Variants in PDZD2 observed in about 807,000 individuals in gnomAD.
PDZD2 encodes PDZ domain containing 2, also known as PDZ domain-containing protein 2.
Under a neutral mutation model 220.7 loss-of-function variants are expected in PDZD2, and 90 were observed. The observed-to-expected ratio is 0.41, with a 90% CI of 0.34 to 0.49. PDZD2 has a LOEUF of 0.49. Ranked by LOEUF, PDZD2 falls within the 20% of genes least tolerant of loss-of-function variation. The pLI, the probability that PDZD2 is intolerant of heterozygous loss-of-function variation, is 0.28. For missense variants in PDZD2, 3,174 were observed against 3,608.5 expected (o/e 0.88, Z 3.08); for synonymous variants, 1,375 against 1,450.5 (o/e 0.95, Z 1.18).
In PDZD2 at chr5:32,110,330, A is replaced by AAGTC. The variant is rs1745265832; in HGVS notation, c.*2197_*2200dup. On this transcript the variant is annotated 3_prime_UTR_variant, in exon 25 of 25. Coordinates refer to ENST00000438447, the MANE Select transcript of PDZD2 (RefSeq NM_178140.4). ...CTGGCTTACCACATACACTATGCTA[A>AAGTC]AGTCATCAGCCACTGCTACTACATC... 6.6e-6 allele frequency: 1 copy of AAGTC among 152,630 alleles called. No homozygotes were observed. The highest frequency in any genetic ancestry group is 6.5e-5 in the Admixed American group (1 of 15,286). 9.5% of individuals were successfully genotyped at this position (152,630 alleles called of 1,614,324 possible).
chr5:32,098,568 G>A lies in PDZD2; in HGVS notation c.8152G>A (p.Glu2718Lys), dbSNP rs1743955576. The A allele has an allele frequency of 6.2e-7, 1 of 1,614,000 alleles. No homozygotes were observed. Among genetic ancestry groups the A allele is most frequent in the Non-Finnish European group, 8.5e-7 (1 of 1,180,004 alleles). Residue 2718 changes from glutamate (E) to lysine (K), a missense_variant, in exon 23 of 25, where the codon GAG (glutamate) becomes AAG (lysine). Physicochemically the swap from Glu to Lys is moderately conservative, Grantham distance 56. Coordinates refer to ENST00000438447, the MANE Select transcript of PDZD2 (RefSeq NM_178140.4). The surrounding 1 kb of genome is among the most constrained non-coding windows in gnomAD (Gnocchi z 4.1). ...MDQPRPSARQ[E>K]PPTANGKGLL... ...TCAGCCCAGGCCCTCTGCCCGGCAG[G>A]AGCCTCCCACAGCCAATGGGAAGGG...
intron 2 of PDZD2, among the ~76,000 whole-genome samples, chr5:31,980,861 G>T (rs956160162): frequency 6.6e-6 from 1 of 152,176 alleles, no homozygotes; most frequent in Non-Finnish European, 1.5e-5. Flanking sequence ...TCAGCTCACT[G>T]CAACCTCTGC....
intron 2 of PDZD2, among the ~76,000 whole-genome samples, chr5:31,957,175 T>C (rs1747785982): frequency 6.6e-6 from 1 of 152,254 alleles, no homozygotes; most frequent in African/African-American, 2.4e-5. Flanking sequence ...TAGTTGGAAC[T>C]ACGGGCATGA....
At chr5:31,705,345 G>A (rs1455512538) in intron 1 of PDZD2, among the ~76,000 whole-genome samples, 1 of 152,104 alleles carries the variant, frequency 6.6e-6, no homozygotes, top group Non-Finnish European at 1.5e-5. Context: ...TCAACATGCT[G>A]GATGAATTTG....
chr5:32,057,206 T>C (rs967331289), intron 10 of PDZD2, among the ~76,000 whole-genome samples: 1 of 152,212 alleles, frequency 6.6e-6, no homozygotes, highest in Admixed American at 6.5e-5. Context: ...CCATACACCA[T>C]GCTGATTCTC....
At chr5:31,932,932 CAG>C (rs1745422582) in intron 2 of PDZD2, among the ~76,000 whole-genome samples, 1 of 149,666 alleles carries the variant, frequency 6.7e-6, no homozygotes, top group Non-Finnish European at 1.5e-5. Context: ...GTTTTTAAGA[CAG>C]AGTTTCGCTC....
chr5:31,890,850 G>T (rs1740962881), intron 2 of PDZD2, among the ~76,000 whole-genome samples: 1 of 152,114 alleles, frequency 6.6e-6, no homozygotes, highest in South Asian at 2.1e-4. Flanking sequence ...CCCTGTCTGT[G>T]GCAATTAGAA....
At chr5:31,667,409 A>G (rs1746038684) in intron 1 of PDZD2, among the ~76,000 whole-genome samples, 1 of 152,160 alleles carries the variant, frequency 6.6e-6, no homozygotes. Flanking sequence ...AGAATGTGCA[A>G]TAAAACTTCA....
chr5:32,107,472 G>A (rs115701974), intron 24 of PDZD2: 197 of 152,660 alleles, frequency 1.3e-3, no homozygotes, highest in Admixed American at 2.3e-3. Flanking sequence ...TGAGAGGATC[G>A]CTTGAGCCCA....
At chr5:31,675,415 C>G (rs550337503) in intron 1 of PDZD2, among the ~76,000 whole-genome samples, 32 of 152,308 alleles carry the variant, frequency 2.1e-4, no homozygotes, top group African/African-American at 6.7e-4. Context: ...GTAAGATGGC[C>G]TCAGCTGCCC....
chr5:32,077,408 G>C (rs766012517), intron 18 of PDZD2, 54 bp from the exon 19 acceptor site: 7 of 1,588,586 alleles, frequency 4.4e-6, no homozygotes, highest in Non-Finnish European at 2.6e-6. Context: ...CTCATCTTAC[G>C]GTGCAGAAAG....
chr5:31,993,642 C>T (rs1396827991), intron 3 of PDZD2, among the ~76,000 whole-genome samples: 1 of 152,092 alleles, frequency 6.6e-6, no homozygotes, highest in African/African-American at 2.4e-5. Context: ...TTCCATTGGA[C>T]TTTTCATGAT....
At chr5:31,856,771 T>C (rs1012970003) in intron 2 of PDZD2, among the ~76,000 whole-genome samples, 3 of 151,964 alleles carry the variant, frequency 2.0e-5, no homozygotes, top group African/African-American at 7.3e-5. Flanking sequence ...CCTTTTGCCT[T>C]CTTCATCGTC....
At chr5:31,697,235 G>C (rs562861300) in intron 1 of PDZD2, among the ~76,000 whole-genome samples, 1 of 152,218 alleles carries the variant, frequency 6.6e-6, no homozygotes. Context: ...GGCCAAGGTG[G>C]GTGGATCACC....
At chr5:31,928,380 ATTCTTTCATAGAGCATCTCC>A (rs764267990) in intron 2 of PDZD2, among the ~76,000 whole-genome samples, 3 of 152,192 alleles carry the variant, frequency 2.0e-5, no homozygotes, top group Admixed American at 2.0e-4. Flanking sequence ...GTTAAGGAGC[ATTCTTTCATAGAGCATCTCC>A]TTCTTTCATA....
chr5:31,756,212 C>G (rs963669334), intron 1 of PDZD2, among the ~76,000 whole-genome samples: 4 of 152,140 alleles, frequency 2.6e-5, no homozygotes, highest in African/African-American at 7.2e-5. Flanking sequence ...AGGTCATGCA[C>G]TCACCTCTAA....
chr5:31,653,203 T>C (rs1203383229), intron 1 of PDZD2, among the ~76,000 whole-genome samples: 2 of 152,114 alleles, frequency 1.3e-5, no homozygotes, highest in Non-Finnish European at 2.9e-5. Flanking sequence ...GGATGCAAAC[T>C]AGTCCAAAGT....
intron 1 of PDZD2, among the ~76,000 whole-genome samples, chr5:31,741,192 TACACACACACACAC>T (rs3032908): frequency 6.6e-6 from 1 of 150,400 alleles, no homozygotes; most frequent in Non-Finnish European, 1.5e-5. Context: ...CAATAGTGTG[TACACACACACACAC>T]ACACACACAC....
chr5:31,840,534 C>G, intron 2 of PDZD2: 1 of 628,744 alleles, frequency 1.6e-6, no homozygotes, highest in Non-Finnish European at 2.9e-6. Context: ...GCAGCTCAGG[C>G]TCCTTCCCAC....
Sources: gnomAD v4.1 joint callset for allele counts (sites outside exome capture counted in the v4.1 genomes callset) on GRCh38, gnomAD v4.1.1 for gene constraint, Gnocchi (gnomAD v3.1) non-coding constraint, MANE v1.5 for transcripts, NCBI Gene and HGNC (gene_info 2026-07-23, HGNC 2026-07-21) for gene names.